The following KYNU variants were observed in gnomAD, a reference collection of about 807,000 sequenced individuals.
KYNU encodes the protein kynureninase.
Under a neutral mutation model 59.2 loss-of-function variants are expected in KYNU, and 54 were observed. The ratio of observed to expected loss-of-function variants is 0.91; its 90% confidence interval spans 0.73 to 1.14. The LOEUF (loss-of-function observed/expected upper bound fraction) is 1.14. KYNU is among the 50% of genes most tolerant of loss of function. KYNU has a pLI of 0.00. For missense variants in KYNU, 567 were observed against 554.4 expected (o/e 1.02, Z -0.23); for synonymous variants, 177 against 192.0 (o/e 0.92, Z 0.65).
chr2:142,975,939 G>T lies in KYNU; in HGVS notation c.730-9145G>T, dbSNP rs540651593. Among the ~76,000 whole-genome samples, 6 of 152,004 alleles carry T rather than the reference G, an allele frequency of 3.9e-5. No individual in the cohort carries two copies. The South Asian group carries it at 1.2e-3, about 32-fold the overall frequency. On this transcript the variant is annotated intron_variant, in intron 8 of 13. Transcript: ENST00000264170. ...ACTTTTCTCATGATACCCATTTTTT[G>T]ATTCAGAACACTCCCTTATTGGATT...
At chr2:142,915,469 G>A (rs778000225) in intron 2 of KYNU, among the ~76,000 whole-genome samples, 1 of 152,178 alleles carries the variant, frequency 6.6e-6, no homozygotes, top group Non-Finnish European at 1.5e-5. Context: ...GCATGAGCTA[G>A]GGCTGGGGAG....
intron 4 of KYNU, among the ~76,000 whole-genome samples, chr2:142,934,308 G>A (rs1249056010): frequency 6.6e-6 from 1 of 152,084 alleles, no homozygotes; most frequent in South Asian, 2.1e-4. Flanking sequence ...CTAAACAGAG[G>A]GGTTAACTAC....
intron 10 of KYNU, among the ~76,000 whole-genome samples, chr2:143,027,598 A>T (rs555778061): frequency 6.6e-6 from 1 of 152,304 alleles, no homozygotes; most frequent in South Asian, 2.1e-4. Context: ...AAACTCTTTC[A>T]TATGGGACAA....
intron 12 of KYNU, among the ~76,000 whole-genome samples, chr2:143,035,972 C>T (rs1178237337): frequency 6.6e-6 from 1 of 151,900 alleles, no homozygotes; most frequent in Admixed American, 6.6e-5. Flanking sequence ...CAGGATTTTG[C>T]CATGTTGCCC....
intron 2 of KYNU, among the ~76,000 whole-genome samples, chr2:142,890,365 A>G (rs1431111322): frequency 6.6e-6 from 1 of 152,174 alleles, no homozygotes; most frequent in African/African-American, 2.4e-5. Context: ...CAGGACAAAG[A>G]CAATCTTTTT....
Position 142,957,327 on chromosome 2 carries a change from T to G in KYNU, c.508-314T>G, listed in dbSNP as rs558674637. Among the ~76,000 whole-genome samples, 22 of 152,276 alleles carry G rather than the reference T, an allele frequency of 1.4e-4. No homozygotes were observed. The East Asian group carries it at 2.5e-3, about 17-fold the overall frequency. ...ATGTTCAAGGATGACAAGTCCCTAC[T>G]ATTCATTTTGCTTATTTTGCAAATT... On this transcript the variant is annotated intron_variant, in intron 6 of 13. Coordinates refer to ENST00000264170, the MANE Select transcript of KYNU (RefSeq NM_003937.3).
intron 7 of KYNU, 64 bp from the exon 8 acceptor site, chr2:142,960,560 G>T: frequency 6.8e-7 from 1 of 1,465,340 alleles, no homozygotes; most frequent in South Asian, 1.2e-5. Flanking sequence ...AATTTAGATC[G>T]GCAATATGAA....
intron 10 of KYNU, among the ~76,000 whole-genome samples, chr2:143,026,397 G>A (rs977563251): frequency 2.6e-5 from 4 of 152,182 alleles, no homozygotes; most frequent in African/African-American, 9.6e-5. Flanking sequence ...ACCCCTTCGC[G>A]GAATTCCTGA....
At chr2:143,014,882 G>A (rs963743855) in intron 10 of KYNU, among the ~76,000 whole-genome samples, 1 of 152,120 alleles carries the variant, frequency 6.6e-6, no homozygotes, top group Non-Finnish European at 1.5e-5. Flanking sequence ...CTCATCAGGT[G>A]TTTGTTTATT....
rs869099302 is a variant in KYNU, at chr2:142,881,916, C to CTTTTTT, written c.-19-3419_-19-3414dup. ...ACACCTGGCTTTTCTTTTCTTTTTT[C>CTTTTTT]TTTTTTTTTTTTTTTTTTTGTAGAG... On this transcript the variant is annotated intron_variant, in intron 1 of 13. Transcript: ENST00000264170. Among the ~76,000 whole-genome samples the CTTTTTT allele has an allele frequency of 3.8e-3, 425 of 113,002 alleles. 1 individual carries two copies. The highest frequency in any genetic ancestry group is 5.4e-3 in the Non-Finnish European group (305 of 56,676). The allele number at this position is 113,002 out of a possible 152,430, so 74.1% of individuals were successfully genotyped here. A position where few individuals can be genotyped will look rare whatever the true frequency, so the allele number is the denominator to read the frequency against.
chr2:143,032,711 T>TTGTGTGTG (rs61062901), intron 11 of KYNU, among the ~76,000 whole-genome samples: 2,621 of 129,422 alleles, frequency 0.02, 71 homozygotes, highest in African/African-American at 0.06. Flanking sequence ...GCTCCCTCTA[T>TTGTGTGTG]TGTGTGTGTG....
At chr2:142,909,395 GT>G (rs1288877218) in intron 2 of KYNU, among the ~76,000 whole-genome samples, 1 of 152,048 alleles carries the variant, frequency 6.6e-6, no homozygotes, top group Non-Finnish European at 1.5e-5. Flanking sequence ...ATATGTGCAA[GT>G]TTGTTATATG....
At chr2:142,925,127 G>A (rs982276003) in intron 3 of KYNU, among the ~76,000 whole-genome samples, 4 of 152,170 alleles carry the variant, frequency 2.6e-5, no homozygotes, top group Non-Finnish European at 4.4e-5. Context: ...GTAATAAGAT[G>A]TATTGTGCTA....
intron 8 of KYNU, among the ~76,000 whole-genome samples, chr2:142,962,346 C>G (rs144765904): frequency 6.6e-6 from 1 of 152,264 alleles, no homozygotes; most frequent in African/African-American, 2.4e-5. Flanking sequence ...TTTAACATAA[C>G]AGCACCCACC....
At chr2:142,911,681 T>C (rs1682484959) in intron 2 of KYNU, among the ~76,000 whole-genome samples, 1 of 152,174 alleles carries the variant, frequency 6.6e-6, no homozygotes, top group African/African-American at 2.4e-5. Flanking sequence ...TCGCTGTGAG[T>C]TTGCCATAGA....
In KYNU at chr2:143,054,589, A is replaced by G. The variant is rs568455890; in HGVS notation, c.*12417A>G. On this transcript the variant is annotated 3_prime_UTR_variant, in exon 14 of 14. Transcript: ENST00000264170. ...AACATGTAATTATGTGCTCAATGTGATGAATATGAAGTAGACTGCACCACT... is the reference window on the plus strand; with the variant it reads ...AACATGTAATTATGTGCTCAATGTGGTGAATATGAAGTAGACTGCACCACT... The G allele has an allele frequency of 3.9e-5, 6 of 152,324 alleles. No individual in the cohort carries two copies. The South Asian group carries it at 1.2e-3, about 32-fold the overall frequency. The allele number at this position is 152,324 out of a possible 1,614,324, so 9.4% of individuals were successfully genotyped here.
chr2:142,882,330 CT>C (rs575853728), intron 1 of KYNU, among the ~76,000 whole-genome samples: 3,098 of 147,730 alleles, frequency 0.021, 119 homozygotes, highest in African/African-American at 0.07. Context: ...CCCTTTTCAA[CT>C]TTTTTTTTTT....
intron 8 of KYNU, among the ~76,000 whole-genome samples, chr2:142,983,710 G>A (rs577819731): frequency 4.9e-4 from 75 of 152,060 alleles, no homozygotes; most frequent in Non-Finnish European, 9.1e-4. Context: ...TGTATTTACT[G>A]TATTTGCAAT....
rs1252493709 is a variant in KYNU, at chr2:143,046,005, T to C, written c.*3833T>C. 1 of 152,186 alleles carries C rather than the reference T, an allele frequency of 6.6e-6. No individual in the cohort carries two copies. Among genetic ancestry groups the C allele is most frequent in the Non-Finnish European group, 1.5e-5 (1 of 68,032 alleles). The allele number at this position is 152,186 out of a possible 1,614,324, so 9.4% of individuals were successfully genotyped here. A position where few individuals can be genotyped will look rare whatever the true frequency, so the allele number is the denominator to read the frequency against. On this transcript the variant is annotated 3_prime_UTR_variant, in exon 14 of 14. Coordinates refer to ENST00000264170, the MANE Select transcript of KYNU (RefSeq NM_003937.3). ...AAGGTGCTCATAAGTTTATAAATGT[T>C]CTAAAATATTTCATGCTAATCACAT...
Sources: gnomAD v4.1 joint callset for allele counts (sites outside exome capture counted in the v4.1 genomes callset) on GRCh38, gnomAD v4.1.1 for gene constraint, MANE v1.5 for transcripts, NCBI Gene and HGNC (gene_info 2026-07-23, HGNC 2026-07-21) for gene names.